ANKRD44: variants seen among roughly 807,000 people sequenced by gnomAD.
The protein encoded by ANKRD44 is ankyrin repeat domain 44, also known as serine/threonine-protein phosphatase 6 regulatory ankyrin repeat subunit B.
In ANKRD44, 35 loss-of-function variants were observed where a neutral mutation model predicts 116.0. That is an observed-to-expected ratio of 0.30 (90% CI 0.23 to 0.40). The LOEUF (loss-of-function observed/expected upper bound fraction) is 0.40. ANKRD44 is among the 10% of genes least tolerant of loss of function. The probability of loss-of-function intolerance (pLI) is 1.00; values close to 1 mark genes in which losing one functional copy is unlikely to be tolerated. For synonymous variants in ANKRD44, 435 were observed against 461.8 expected, an observed-to-expected ratio of 0.94 and a Z score of 0.74; for missense variants, 1,014 against 1,242.6, an observed-to-expected ratio of 0.82 and a Z score of 2.77.
intron 2 of ANKRD44, among the ~76,000 whole-genome samples, chr2:197,155,068 GA>G (rs1405597492): frequency 6.6e-6 from 1 of 152,064 alleles, no homozygotes; most frequent in African/African-American, 2.4e-5. Flanking sequence ...GAATGCCAAA[GA>G]CATTTTTATT....
chr2:197,231,479 T>C (rs1479290904), intron 1 of ANKRD44, among the ~76,000 whole-genome samples: 3 of 152,144 alleles, frequency 2.0e-5, no homozygotes, highest in South Asian at 2.1e-4. Context: ...ATTAAGAATG[T>C]CCTACCCTGC....
intron 1 of ANKRD44, among the ~76,000 whole-genome samples, chr2:197,299,843 GA>G (rs980735072): frequency 1.9e-4 from 29 of 151,658 alleles, no homozygotes; most frequent in Admixed American, 1.5e-3. Flanking sequence ...TTTTAAGAAG[GA>G]AAAAAAAGTC....
chr2:197,302,850 T>C (rs1375842891), intron 1 of ANKRD44, among the ~76,000 whole-genome samples: 1 of 152,240 alleles, frequency 6.6e-6, no homozygotes, highest in Non-Finnish European at 1.5e-5. Context: ...ACTTGTTAGA[T>C]GCACATGTTA....
At chr2:197,191,322 C>T (rs1458597148) in intron 1 of ANKRD44, among the ~76,000 whole-genome samples, 1 of 152,126 alleles carries the variant, frequency 6.6e-6, no homozygotes, top group Non-Finnish European at 1.5e-5. Context: ...TTGACGGCTG[C>T]CTTCTAGAGG....
chr2:197,005,665 T>G (rs571258655), intron 21 of ANKRD44, 29 bp downstream of exon 21: 1 of 1,609,068 alleles, frequency 6.2e-7, no homozygotes, highest in Non-Finnish European at 8.5e-7. Context: ...GGAAGTCTAG[T>G]GGAATCAGTC....
At chr2:197,168,816 A>G (rs2080159924) in intron 2 of ANKRD44, among the ~76,000 whole-genome samples, 1 of 152,172 alleles carries the variant, frequency 6.6e-6, no homozygotes, top group African/African-American at 2.4e-5. Flanking sequence ...AATCCATGTG[A>G]GTGGCGCCCC....
rs115191433 is a variant in ANKRD44, at chr2:197,196,951, C to G, written c.28-9845G>C. ...TGTAAAACGGAGTCACCTTCCTGTTCTGGCCATTGTCAATTTTTTTTTTCC... is the reference window on the plus strand; with the variant it reads ...TGTAAAACGGAGTCACCTTCCTGTTGTGGCCATTGTCAATTTTTTTTTTCC... On this transcript the variant is annotated intron_variant, in intron 1 of 27. Coordinates refer to ENST00000282272, the MANE Select transcript of ANKRD44 (RefSeq NM_001195144.2). 2.4e-3 allele frequency among the ~76,000 whole-genome samples: 357 copies of G among 149,452 alleles called. 1 individual carries two copies. The highest frequency in any genetic ancestry group is 8.1e-3 in the African/African-American group (331 of 40,696).
chr2:197,044,872 A>G (rs1422638097), intron 16 of ANKRD44, among the ~76,000 whole-genome samples: 1 of 152,326 alleles, frequency 6.6e-6, no homozygotes, highest in South Asian at 2.1e-4. Flanking sequence ...AAGCAAAAAA[A>G]AAAATTAGTA....
chr2:197,045,882 A>G (rs2076992582), intron 16 of ANKRD44, among the ~76,000 whole-genome samples: 1 of 152,230 alleles, frequency 6.6e-6, no homozygotes, highest in South Asian at 2.1e-4. Context: ...AAGAATTGTA[A>G]ACTGTCTTTA....
At chr2:197,001,308 A>G (rs931393985) in intron 22 of ANKRD44, among the ~76,000 whole-genome samples, 1 of 152,234 alleles carries the variant, frequency 6.6e-6, no homozygotes, top group Non-Finnish European at 1.5e-5. Flanking sequence ...TTGAGACTGG[A>G]GCAAAAATTA....
intron 1 of ANKRD44, among the ~76,000 whole-genome samples, chr2:197,258,404 G>C (rs896670081): frequency 2.0e-5 from 3 of 150,726 alleles, no homozygotes; most frequent in African/African-American, 7.3e-5. Flanking sequence ...ATTACTTTGG[G>C]AATTCTTTAC....
chr2:197,143,668 C>A (rs2079428027), intron 3 of ANKRD44, among the ~76,000 whole-genome samples: 1 of 152,042 alleles, frequency 6.6e-6, no homozygotes, highest in Non-Finnish European at 1.5e-5. Flanking sequence ...CTTACTCTGT[C>A]ACCCAGGCTG....
rs567290280 is a variant in ANKRD44, at chr2:197,283,524, T to C, written c.27+27054A>G. The stretch of plus-strand genomic sequence containing the variant: ...TTCAAGTAAAAAATAGTGAAACAAA[T>C]GCCAGCATGTCTCTTTAATTATGGT... On this transcript the variant is annotated intron_variant, in intron 1 of 27. Transcript: ENST00000282272. 3.9e-5 allele frequency among the ~76,000 whole-genome samples: 6 copies of C among 152,310 alleles called. No homozygotes were observed. The East Asian group carries it at 1.2e-3, about 29-fold the overall frequency.
At chr2:197,156,212 G>C (rs1351212847) in intron 2 of ANKRD44, among the ~76,000 whole-genome samples, 2 of 152,150 alleles carry the variant, frequency 1.3e-5, no homozygotes, top group Admixed American at 1.3e-4. Flanking sequence ...CGGGCGTGGT[G>C]TCAGGCACCT....
intron 1 of ANKRD44, among the ~76,000 whole-genome samples, chr2:197,274,603 T>C (rs1174044557): frequency 6.6e-6 from 1 of 152,200 alleles, no homozygotes; most frequent in African/African-American, 2.4e-5. Context: ...TGAGGCCTTT[T>C]CAACTTTTCC....
rs575146337 is a variant in ANKRD44 at position 197,237,567 on chromosome 2, C to A, written c.28-50461G>T. On this transcript the variant is annotated intron_variant, in intron 1 of 27. Coordinates refer to ENST00000282272, the MANE Select transcript of ANKRD44 (RefSeq NM_001195144.2). Reference sequence around the variant, plus strand: ...TCGGAGTGTGTGATGTCTGTAATGCCGGCTCCATTCACACCCATTGTCCAC... The same window carrying A: ...TCGGAGTGTGTGATGTCTGTAATGCAGGCTCCATTCACACCCATTGTCCAC... Among the ~76,000 whole-genome samples, 5 of 152,252 alleles carry A rather than the reference C, an allele frequency of 3.3e-5. No individual in the cohort carries two copies. The South Asian group carries it at 1.0e-3, about 32-fold the overall frequency.
At chr2:196,968,709 A>T (rs2075693228) in intron 21 of ANKRD44, among the ~76,000 whole-genome samples, 1 of 152,176 alleles carries the variant, frequency 6.6e-6, no homozygotes, top group Admixed American at 6.5e-5. Context: ...TCTCCTGGTC[A>T]CTGATCTCAC....
intron 21 of ANKRD44, among the ~76,000 whole-genome samples, chr2:197,002,122 T>C (rs761966773): frequency 1.7e-4 from 26 of 152,216 alleles, no homozygotes; most frequent in Non-Finnish European, 3.5e-4. Context: ...TCTGTTTTAT[T>C]CTCAGCTCTT....
At chr2:197,293,257 A>T (rs2083621305) in intron 1 of ANKRD44, among the ~76,000 whole-genome samples, 1 of 152,218 alleles carries the variant, frequency 6.6e-6, no homozygotes, top group African/African-American at 2.4e-5. Context: ...TCACTTATTC[A>T]ATAGTCACTG....
Sources: gnomAD v4.1 joint callset for allele counts (sites outside exome capture counted in the v4.1 genomes callset) on GRCh38, gnomAD v4.1.1 for gene constraint, MANE v1.5 for transcripts, NCBI Gene and HGNC (gene_info 2026-07-23, HGNC 2026-07-21) for gene names.